JAZF1: variants seen among roughly 807,000 people sequenced by gnomAD.
JAZF1 encodes juxtaposed with another zinc finger protein 1.
Under a neutral mutation model 26.4 loss-of-function variants are expected in JAZF1, and 8 were observed. The ratio of observed to expected loss-of-function variants is 0.30; its 90% CI spans 0.18 to 0.55. JAZF1 has a LOEUF of 0.55. Ranked by LOEUF, JAZF1 falls within the 20% of genes least tolerant of loss-of-function variation. The probability of loss-of-function intolerance (pLI) is 0.94; values close to 1 mark genes in which losing one functional copy is unlikely to be tolerated. For missense variants in JAZF1, 199 were observed against 322.0 expected (o/e 0.62, Z 2.92); for synonymous variants, 126 against 122.3 (o/e 1.03, Z -0.20).
intron 1 of JAZF1, among the ~76,000 whole-genome samples, chr7:28,015,173 C>T (rs1198132424): frequency 1.3e-5 from 2 of 152,044 alleles, no homozygotes; most frequent in Non-Finnish European, 2.9e-5. Context: ...CCTCGAAGCA[C>T]CTCGGCATAG....
chr7:27,947,519 G>A (rs1456701673), intron 2 of JAZF1, among the ~76,000 whole-genome samples: 1 of 152,188 alleles, frequency 6.6e-6, no homozygotes, highest in African/African-American at 2.4e-5. Context: ...CCTTTCAAGT[G>A]AATCTGCTTT....
At chr7:28,119,088 G>C (rs1784796394) in intron 1 of JAZF1, among the ~76,000 whole-genome samples, 1 of 152,244 alleles carries the variant, frequency 6.6e-6, no homozygotes, top group Admixed American at 6.5e-5. Flanking sequence ...CAACAGCTCT[G>C]TGAACCAAGA....
chr7:28,079,924 C>T (rs1416977085), intron 1 of JAZF1, among the ~76,000 whole-genome samples: 2 of 152,092 alleles, frequency 1.3e-5, no homozygotes, highest in Non-Finnish European at 2.9e-5. Context: ...GCAAATATCA[C>T]AATAAAGCAA....
chr7:28,001,355 A>AAAAC (rs1786156738), intron 1 of JAZF1, among the ~76,000 whole-genome samples: 1 of 152,036 alleles, frequency 6.6e-6, no homozygotes, highest in African/African-American at 2.4e-5. Context: ...CTGTCTCAAA[A>AAAAC]AAAACAAAAC....
At chr7:27,879,638 C>A (rs1046955381) in intron 3 of JAZF1, among the ~76,000 whole-genome samples, 1 of 152,004 alleles carries the variant, frequency 6.6e-6, no homozygotes, top group Non-Finnish European at 1.5e-5. Context: ...AAGGGTGGGG[C>A]CTGCTCAAGA....
At chr7:27,855,821 C>A (rs376413700) in intron 3 of JAZF1, among the ~76,000 whole-genome samples, 1 of 152,212 alleles carries the variant, frequency 6.6e-6, no homozygotes. Flanking sequence ...TGAAATGATT[C>A]CAAACAATAG....
chr7:28,095,252 T>C (rs753334343), intron 1 of JAZF1, among the ~76,000 whole-genome samples: 11 of 152,226 alleles, frequency 7.2e-5, no homozygotes, highest in Non-Finnish European at 1.3e-4. Flanking sequence ...ATTTTTATAC[T>C]GCTATGAAGA....
At chr7:27,977,258 T>C (rs1483817663) in intron 2 of JAZF1, among the ~76,000 whole-genome samples, 1 of 152,242 alleles carries the variant, frequency 6.6e-6, no homozygotes, top group Non-Finnish European at 1.5e-5. Flanking sequence ...CAGTTCAATT[T>C]CATGCTGATC....
At position 28,140,935 on chromosome 7, in the gene JAZF1, T is replaced by C. The variant is rs190219120; in HGVS notation, c.115+39528A>G. On this transcript the variant is annotated intron_variant, in intron 1 of 4. Coordinates refer to ENST00000283928, the MANE Select transcript of JAZF1 (RefSeq NM_175061.4). Reference sequence around the variant, plus strand: ...GATGCTCAAATATAATTTGAACTGTTATAATGTTTTGAATGGTTGTAGGAA... The same window carrying C: ...GATGCTCAAATATAATTTGAACTGTCATAATGTTTTGAATGGTTGTAGGAA... 9.2e-5 allele frequency among the ~76,000 whole-genome samples: 14 copies of C among 152,350 alleles called. 1 individual carries two copies. The highest frequency in any genetic ancestry group is 9.1e-4 in the Admixed American group (14 of 15,306).
chr7:28,143,664 G>C (rs1242154980), intron 1 of JAZF1, among the ~76,000 whole-genome samples: 1 of 152,192 alleles, frequency 6.6e-6, no homozygotes, highest in Non-Finnish European at 1.5e-5. Flanking sequence ...CCTACGCCCA[G>C]TCTTTGGAGC....
intron 3 of JAZF1, among the ~76,000 whole-genome samples, chr7:27,877,864 G>A (rs1380225195): frequency 6.6e-6 from 1 of 152,110 alleles, no homozygotes; most frequent in Non-Finnish European, 1.5e-5. Flanking sequence ...TTCTCCACCT[G>A]CATTTCACCC....
At chr7:27,990,946 C>A (rs546114737) in intron 2 of JAZF1, among the ~76,000 whole-genome samples, 1 of 152,106 alleles carries the variant, frequency 6.6e-6, no homozygotes, top group African/African-American at 2.4e-5. Flanking sequence ...ATGTTTATGT[C>A]AATAAATCCT....
At chr7:27,962,413 C>T (rs1174173337) in intron 2 of JAZF1, among the ~76,000 whole-genome samples, 1 of 152,186 alleles carries the variant, frequency 6.6e-6, no homozygotes, top group Non-Finnish European at 1.5e-5. Context: ...AAAAGTTTAT[C>T]CAACTGGCTC....
At chr7:28,176,682 G>T (rs1406440569) in intron 1 of JAZF1, among the ~76,000 whole-genome samples, 2 of 151,962 alleles carry the variant, frequency 1.3e-5, no homozygotes, top group African/African-American at 4.8e-5. Context: ...AACTTTGCCT[G>T]GCATAAACTA....
intron 1 of JAZF1, among the ~76,000 whole-genome samples, chr7:28,051,399 T>C (rs1783614810): frequency 6.6e-6 from 1 of 151,790 alleles, no homozygotes; most frequent in Non-Finnish European, 1.5e-5. Context: ...TTTTTGTATT[T>C]TTAGTAGTGA....
intron 2 of JAZF1, among the ~76,000 whole-genome samples, chr7:27,955,470 A>C (rs747833113): frequency 1.6e-4 from 24 of 152,158 alleles, no homozygotes; most frequent in Non-Finnish European, 3.5e-4. Flanking sequence ...GATGGACATC[A>C]CCTCCCTAAA....
At chr7:28,023,447 A>G (rs1783041081) in intron 1 of JAZF1, among the ~76,000 whole-genome samples, 1 of 152,258 alleles carries the variant, frequency 6.6e-6, no homozygotes. Flanking sequence ...TTTTAAGAGA[A>G]AATAAAAAAG....
At chr7:28,062,444 G>A (rs180867804) in intron 1 of JAZF1, among the ~76,000 whole-genome samples, 61 of 152,224 alleles carry the variant, frequency 4.0e-4, no homozygotes, top group African/African-American at 1.4e-3. Flanking sequence ...TGTGTGCAGA[G>A]CATGCAGTCC....
At chr7:28,043,461 C>T (rs995626974) in intron 1 of JAZF1, among the ~76,000 whole-genome samples, 1 of 152,092 alleles carries the variant, frequency 6.6e-6, no homozygotes, top group Non-Finnish European at 1.5e-5. Context: ...ACTTTTTATT[C>T]ATATTTGTGC....
Sources: allele counts gnomAD v4.1 joint callset (sites outside exome capture counted in the v4.1 genomes callset), GRCh38; gene constraint gnomAD v4.1.1; transcripts MANE v1.5; gene names NCBI Gene and HGNC (gene_info 2026-07-23, HGNC 2026-07-21).